Variants in TTC27 observed in about 807,000 individuals in gnomAD.
The protein encoded by TTC27 is tetratricopeptide repeat protein 27.
TTC27 carries 79 observed loss-of-function variants against 115.9 expected under a neutral mutation model. The ratio of observed to expected loss-of-function variants is 0.68; its 90% CI spans 0.57 to 0.82. TTC27 has a LOEUF of 0.82. TTC27 is among the 40% of genes least tolerant of loss of function. The pLI, the probability that TTC27 is intolerant of heterozygous loss-of-function variation, is 0.00. For missense variants in TTC27, 1,054 were observed against 993.1 expected (o/e 1.06, Z -0.82); for synonymous variants, 401 against 356.0 (o/e 1.13, Z -1.42).
intron 9 of TTC27, among the ~76,000 whole-genome samples, chr2:32,693,272 T>C (rs1173397867): frequency 6.6e-6 from 1 of 152,224 alleles, no homozygotes; most frequent in Non-Finnish European, 1.5e-5. Context: ...AGGACTTCTG[T>C]TGTCAGATAG....
At chr2:32,652,969 A>G (rs1311564490) in intron 5 of TTC27, among the ~76,000 whole-genome samples, 2 of 152,186 alleles carry the variant, frequency 1.3e-5, no homozygotes, top group East Asian at 1.9e-4. Context: ...CAAAATGTCA[A>G]CATAACTTTG....
chr2:32,640,499 G>C, intron 4 of TTC27, 89 bp downstream of exon 4: 1 of 1,353,060 alleles, frequency 7.4e-7, no homozygotes, highest in Non-Finnish European at 1.0e-6. Context: ...ACAATGTCTT[G>C]GTCTATTTTG....
intron 16 of TTC27, among the ~76,000 whole-genome samples, chr2:32,792,678 G>C (rs187478356): frequency 2.0e-5 from 3 of 152,170 alleles, no homozygotes; most frequent in East Asian, 3.9e-4. Context: ...TTCATTCTTG[G>C]CCTGGAGCCC....
chr2:32,650,253 T>G lies in TTC27; in HGVS notation c.640+20T>G. The G allele has an allele frequency of 1.3e-6, 2 of 1,592,120 alleles. No homozygotes were observed. The highest frequency in any genetic ancestry group is 1.7e-6 in the Non-Finnish European group (2 of 1,161,208). ...ATCAAGGTATGTAGCAGATTTTTGT[T>G]TGATATGGGCATGTAGCTCAGTTCT... is the stretch of plus-strand genomic sequence containing the variant. On this transcript the variant is annotated intron_variant, in intron 5 of 19. Coordinates refer to ENST00000317907, the MANE Select transcript of TTC27 (RefSeq NM_017735.5).
intron 12 of TTC27, 133 bp from the exon 13 acceptor site, chr2:32,758,159 A>C: frequency 1.3e-6 from 1 of 759,976 alleles, no homozygotes; most frequent in Non-Finnish European, 2.1e-6. Context: ...TGTGTCCTTG[A>C]TAGGTCAAAT....
chr2:32,710,754 C>G (rs938083269), intron 10 of TTC27, among the ~76,000 whole-genome samples: 3 of 151,876 alleles, frequency 2.0e-5, no homozygotes, highest in Non-Finnish European at 4.4e-5. Context: ...AGTTCTAAAC[C>G]TGCATTTGTG....
chr2:32,819,634 C>A (rs1349310797), intron 19 of TTC27, among the ~76,000 whole-genome samples: 5 of 152,120 alleles, frequency 3.3e-5, no homozygotes, highest in African/African-American at 1.2e-4. Flanking sequence ...AAATAAGCTC[C>A]TAGTACCTAG....
chr2:32,718,774 C>A (rs1481807978), intron 10 of TTC27, among the ~76,000 whole-genome samples: 1 of 152,172 alleles, frequency 6.6e-6, no homozygotes, highest in Non-Finnish European at 1.5e-5. Context: ...TAGCAGGCTT[C>A]TGTAGGGTTG....
chr2:32,796,315 G>T (rs1372283815), intron 16 of TTC27, among the ~76,000 whole-genome samples: 1 of 152,068 alleles, frequency 6.6e-6, no homozygotes, highest in African/African-American at 2.4e-5. Context: ...CAAATAAATG[G>T]AAACACATCT....
chr2:32,698,225 A>T (rs116637364), intron 9 of TTC27, among the ~76,000 whole-genome samples: 1,908 of 151,792 alleles, frequency 0.013, 44 homozygotes, highest in African/African-American at 0.044. Context: ...CCTTGACCAG[A>T]CTCAAGTGAT....
intron 14 of TTC27, 93 bp downstream of exon 14, chr2:32,778,073 T>A (rs1190082512): frequency 8.2e-7 from 1 of 1,212,442 alleles, no homozygotes; most frequent in Non-Finnish European, 1.2e-6. Context: ...ATTCCTTTTG[T>A]GTTGGAGGAA....
At chr2:32,656,762 G>T (rs1046220070) in intron 5 of TTC27, among the ~76,000 whole-genome samples, 4 of 151,992 alleles carry the variant, frequency 2.6e-5, no homozygotes, top group Non-Finnish European at 5.9e-5. Flanking sequence ...ATCTTTTAAG[G>T]CCCCACCCTT....
rs1197648924 is a variant in TTC27, at chr2:32,811,169, A to G, written c.2144A>G (p.Tyr715Cys). 15 of 1,614,200 alleles carry G rather than the reference A, an allele frequency of 9.3e-6. No homozygotes were observed. Among genetic ancestry groups the G allele is most frequent in the Admixed American group, 3.3e-5 (2 of 60,022 alleles). ...AATGATGGAGAAATCTGGAGGCTGTATGCCCACGTATATGGAAATGGGCAG... is the reference window on the plus strand; with the variant it reads ...AATGATGGAGAAATCTGGAGGCTGTGTGCCCACGTATATGGAAATGGGCAG... ...VTNDGEIWRL[Y>C]AHVYGNGQSE... Residue 715 changes from tyrosine (Y) to cysteine (C), a missense_variant, in exon 17 of 20, where the codon TAT (tyrosine) becomes TGT (cysteine). Physicochemically the swap from Tyr to Cys is radical, Grantham distance 194 (BLOSUM62 -2). Coordinates refer to ENST00000317907, the MANE Select transcript of TTC27 (RefSeq NM_017735.5).
At chr2:32,746,215 A>G (rs549147772) in intron 12 of TTC27, among the ~76,000 whole-genome samples, 2 of 152,148 alleles carry the variant, frequency 1.3e-5, no homozygotes, top group African/African-American at 4.8e-5. Flanking sequence ...TGGGGAATGT[A>G]TTTTTATTAT....
At chr2:32,807,368 C>G (rs966208358) in intron 16 of TTC27, among the ~76,000 whole-genome samples, 3 of 152,138 alleles carry the variant, frequency 2.0e-5, no homozygotes, top group African/African-American at 7.2e-5. Flanking sequence ...CCTTTAGCGT[C>G]TCTTCTGCTA....
intron 5 of TTC27, among the ~76,000 whole-genome samples, chr2:32,660,988 G>A (rs1248144296): frequency 1.3e-5 from 2 of 152,096 alleles, no homozygotes; most frequent in Non-Finnish European, 2.9e-5. Flanking sequence ...TCTGCATATG[G>A]CTAGCCAGTT....
intron 12 of TTC27, among the ~76,000 whole-genome samples, chr2:32,740,684 C>T (rs1572565977): frequency 6.6e-6 from 1 of 152,112 alleles, no homozygotes; most frequent in Non-Finnish European, 1.5e-5. Context: ...GATGGAGTTT[C>T]GCTCTTGTCG....
chr2:32,634,102 A>G, intron 3 of TTC27, 97 bp downstream of exon 3: 2 of 1,367,634 alleles, frequency 1.5e-6, no homozygotes, highest in Non-Finnish European at 2.0e-6. Context: ...GGAAAGAAAC[A>G]TGACTTTATG....
At chr2:32,780,336 T>C (rs1289318818) in intron 14 of TTC27, among the ~76,000 whole-genome samples, 9 of 152,218 alleles carry the variant, frequency 5.9e-5, no homozygotes, top group Non-Finnish European at 1.3e-4. Flanking sequence ...TTTCTTTTAA[T>C]ATCTTATAGT....
Sources: allele counts gnomAD v4.1 joint callset (sites outside exome capture counted in the v4.1 genomes callset), GRCh38; gene constraint gnomAD v4.1.1; transcripts MANE v1.5; gene names NCBI Gene and HGNC (gene_info 2026-07-23, HGNC 2026-07-21).